Variants in C1orf159 observed in about 807,000 individuals in gnomAD.
The protein encoded by C1orf159 is uncharacterized protein C1orf159.
C1orf159 carries 19 observed loss-of-function variants against 25.6 expected under a neutral mutation model. The observed-to-expected ratio is 0.74, with a 90% CI of 0.52 to 1.09. C1orf159 has a LOEUF of 1.09. Among genes scored for constraint, C1orf159 ranks in the 50% least tolerant of loss-of-function variants. The pLI is 0.00. For synonymous variants in C1orf159, 139 were observed against 124.7 expected (o/e 1.12, Z -0.77); for missense variants, 274 against 290.6 (o/e 0.94, Z 0.42).
rs1485011014 is a variant in C1orf159 at position 1,110,061 on chromosome 1, T to C, written c.-136+5999A>G. Among the ~76,000 whole-genome samples the C allele has an allele frequency of 6.6e-6, 1 of 152,228 alleles. No individual in the cohort carries two copies. On this transcript the variant is annotated intron_variant, in intron 1 of 9. Transcript: ENST00000421241. This position sits in a 1 kb window ranked among gnomAD's most constrained non-coding sequence, Gnocchi z 4.8. ...GAGGAAAAGAAAACCCAAGCCTTAT[T>C]CTTTAACTGTAAGGGTGTGTGACTT...
chr1:1,101,185 T>C (rs1235709847), intron 1 of C1orf159, among the ~76,000 whole-genome samples: 2 of 152,170 alleles, frequency 1.3e-5, no homozygotes, highest in East Asian at 3.8e-4. Context: ...CTGGTCTCCA[T>C]AATTACTCAC....
Position 1,086,034 on chromosome 1 carries a change from C to A in C1orf159, c.311-22G>T, listed in dbSNP as rs1386952667. The A allele has an allele frequency of 2.5e-6, 4 of 1,611,712 alleles. No homozygotes were observed. In the Admixed American group the frequency reaches 6.7e-5, roughly 27 times the overall value. On this transcript the variant is annotated intron_variant, in intron 6 of 9. Transcript: ENST00000421241. The stretch of plus-strand genomic sequence containing the variant: ...GCCCCTGCAAACAGACACCGCTGAG[C>A]AGACGGGCAGGACGGTGGCCCTGGC...
Position 1,092,076 on chromosome 1 carries a change from G to A in C1orf159, c.-108C>T. On this transcript the variant is annotated 5_prime_UTR_variant, in exon 2 of 10. Transcript: ENST00000421241. ...TTAGCTCTGGGAGCTCATGGGCTCA[G>A]CTGAGCCCTGCAGACCCCGGCCCAG... The A allele has an allele frequency of 2.2e-6, 1 of 450,368 alleles. No individual in the cohort carries two copies. The allele number at this position is 450,368 out of a possible 1,614,324, so 27.9% of individuals were successfully genotyped here.
chr1:1,083,080 G>A, intron 9 of C1orf159, 93 bp from the exon 10 acceptor site: 3 of 1,079,948 alleles, frequency 2.8e-6, no homozygotes, highest in Non-Finnish European at 4.0e-6. Flanking sequence ...CTCGGGAGTG[G>A]GCATATGGCA....
chr1:1,109,371 G>C (rs1431502618), intron 1 of C1orf159, among the ~76,000 whole-genome samples: 2 of 152,154 alleles, frequency 1.3e-5, no homozygotes, highest in African/African-American at 4.8e-5. Context: ...CAGGGGCTGG[G>C]GGGCAGGGAG....
intron 6 of C1orf159, among the ~76,000 whole-genome samples, chr1:1,086,682 C>T (rs1645834923): frequency 6.6e-6 from 1 of 152,232 alleles, no homozygotes; most frequent in Non-Finnish European, 1.5e-5. Flanking sequence ...CCACTCAGGT[C>T]AGCAATGGAC....
chr1:1,087,438 TC>T lies in C1orf159; in HGVS notation c.244+63del, dbSNP rs1360184510. 7.0e-7 allele frequency: 1 copy of T among 1,435,566 alleles called. No individual in the cohort carries two copies. Among genetic ancestry groups the T allele is most frequent in the Non-Finnish European group, 9.5e-7 (1 of 1,053,904 alleles). The allele number at this position is 1,435,566 out of a possible 1,614,324, so 88.9% of individuals were successfully genotyped here. ...GCAAGGTGGGGACACAGACAGCAAC[TC>T]CCACAGTGTCTCCCACAGCTGGAGC... On this transcript the variant is annotated intron_variant, in intron 5 of 9. Coordinates refer to ENST00000421241, the MANE Select transcript of C1orf159 (RefSeq NM_017891.5). This position sits in a 1 kb window ranked among gnomAD's most constrained non-coding sequence, Gnocchi z 8.3.
chr1:1,111,977 G>T (rs1646262730), intron 1 of C1orf159, among the ~76,000 whole-genome samples: 1 of 152,226 alleles, frequency 6.6e-6, no homozygotes, highest in Non-Finnish European at 1.5e-5. Context: ...ATCCCCCTTT[G>T]TTGACATGCA....
intron 3 of C1orf159, chr1:1,090,923 C>T (rs905656237): frequency 2.6e-6 from 4 of 1,550,410 alleles, no homozygotes; most frequent in East Asian, 2.4e-5. Flanking sequence ...CTGGACAGGC[C>T]TGGGGGGCTC....
At chr1:1,109,573 T>A (rs1646230212) in intron 1 of C1orf159, among the ~76,000 whole-genome samples, 1 of 151,826 alleles carries the variant, frequency 6.6e-6, no homozygotes, top group South Asian at 2.1e-4. Context: ...CTCAAGCAAC[T>A]CTCCCGCCTC....
chr1:1,091,294 G>A (rs1645929170), intron 3 of C1orf159, 178 bp downstream of exon 3: 2 of 724,766 alleles, frequency 2.8e-6, no homozygotes, highest in East Asian at 2.7e-5. Flanking sequence ...GGCAGCGGAG[G>A]GCTCCCCTCT....
At chr1:1,102,456 TTC>T (rs1306447827) in intron 1 of C1orf159, among the ~76,000 whole-genome samples, 1 of 151,428 alleles carries the variant, frequency 6.6e-6, no homozygotes, top group African/African-American at 2.4e-5. Flanking sequence ...GTTATTTCCC[TTC>T]TGTTATGTTC....
At chr1:1,113,782 G>A (rs143510069) in intron 1 of C1orf159, among the ~76,000 whole-genome samples, 1,783 of 152,344 alleles carry the variant, frequency 0.012, 15 homozygotes, top group Middle Eastern at 0.031. Context: ...CTTCCACGCT[G>A]GAGGCTTCCG....
Position 1,099,704 on chromosome 1 carries a change from G to GGA in C1orf159, c.-135-7603_-135-7602dup, listed in dbSNP as rs749901287. ...TTTTTGGTCTATTGTTCTAAGAATT[G>GGA]GAGAGAGAGAGAGGTTAAAATCTCC... On this transcript the variant is annotated intron_variant, in intron 1 of 9. Transcript: ENST00000421241. Among the ~76,000 whole-genome samples the GGA allele has an allele frequency of 3.8e-5, 3 of 79,824 alleles. No homozygotes were observed. The East Asian group carries it at 9.7e-4, about 26-fold the overall frequency. 52.4% of individuals were successfully genotyped at this position (79,824 alleles called of 152,430 possible).
At chr1:1,092,328 C>G (rs770737190) in intron 1 of C1orf159, 1 of 205,946 alleles carries the variant, frequency 4.9e-6, no homozygotes, top group African/African-American at 2.4e-5. Flanking sequence ...CAGGCCCTCG[C>G]TGGGATACGG....
chr1:1,111,943 C>T (rs1362547179), intron 1 of C1orf159, among the ~76,000 whole-genome samples: 1 of 152,202 alleles, frequency 6.6e-6, no homozygotes, highest in Non-Finnish European at 1.5e-5. Flanking sequence ...TACCGCAAAC[C>T]CCTTGATGGG....
At chr1:1,113,254 T>A (rs1056100493) in intron 1 of C1orf159, among the ~76,000 whole-genome samples, 2 of 151,504 alleles carry the variant, frequency 1.3e-5, no homozygotes, top group Admixed American at 6.6e-5. Flanking sequence ...TTCCATCAAA[T>A]TCTTTCTTCT....
intron 9 of C1orf159, chr1:1,083,997 T>G: frequency 6.2e-7 from 1 of 1,605,254 alleles, no homozygotes; most frequent in South Asian, 1.1e-5. Context: ...CGGCTGCGTC[T>G]GTCCTCGGGT....
chr1:1,090,825 CACGCCCAG>C (rs1244403269), intron 3 of C1orf159: 22 of 1,466,272 alleles, frequency 1.5e-5, no homozygotes, highest in Admixed American at 5.9e-5. Flanking sequence ...GGGACGAATT[CACGCCCAG>C]GTGCCCAGGT....
Sources: gnomAD v4.1 joint callset for allele counts (sites outside exome capture counted in the v4.1 genomes callset) on GRCh38, gnomAD v4.1.1 for gene constraint, Gnocchi (gnomAD v3.1) non-coding constraint, MANE v1.5 for transcripts, NCBI Gene and HGNC (gene_info 2026-07-23, HGNC 2026-07-21) for gene names.